HSD17B12: variants seen among roughly 807,000 people sequenced by gnomAD.
HSD17B12 encodes the protein very-long-chain 3-oxoacyl-CoA reductase.
A neutral mutation model predicts 39.3 loss-of-function variants in HSD17B12; 32 were observed. The observed-to-expected ratio is 0.81, with a 90% CI of 0.61 to 1.09. The LOEUF (loss-of-function observed/expected upper bound fraction) is 1.09. Ranked by LOEUF, HSD17B12 falls within the 50% of genes least tolerant of loss-of-function variation. The pLI is 0.00. For synonymous variants in HSD17B12, 150 were observed against 146.7 expected, an observed-to-expected ratio of 1.02 and a Z score of -0.16; for missense variants, 342 against 382.9, an observed-to-expected ratio of 0.89 and a Z score of 0.89.
the HSD17B12 span, among the ~76,000 whole-genome samples, chr11:43,593,382 C>T: frequency 2.0e-5 from 3 of 152,062 alleles, no homozygotes; most frequent in African/African-American, 7.2e-5. Context: ...AATAGGTTAC[C>T]GTCAAATCTG....
chr11:43,612,980 G>A, the HSD17B12 span, among the ~76,000 whole-genome samples: 1 of 152,170 alleles, frequency 6.6e-6, no homozygotes, highest in Non-Finnish European at 1.5e-5. Flanking sequence ...GTAGGCCAGT[G>A]TAGCCTAAGT....
chr11:43,716,411 C>T (rs1353761208), intron 1 of HSD17B12, among the ~76,000 whole-genome samples: 1 of 152,122 alleles, frequency 6.6e-6, no homozygotes, highest in African/African-American at 2.4e-5. Flanking sequence ...TTTGTGCTTA[C>T]GTCTGGTAAA....
chr11:43,781,100 C>A (rs778238778), intron 3 of HSD17B12, among the ~76,000 whole-genome samples: 2 of 152,088 alleles, frequency 1.3e-5, no homozygotes, highest in Non-Finnish European at 2.9e-5. Flanking sequence ...TTCCCCCCAA[C>A]GCCTCCTCAT....
chr11:43,561,962 A>T, the HSD17B12 span, among the ~76,000 whole-genome samples: 2 of 152,198 alleles, frequency 1.3e-5, no homozygotes, highest in African/African-American at 4.8e-5. Context: ...GTTATAGTGA[A>T]AGAGCTATGA....
intron 5 of HSD17B12, among the ~76,000 whole-genome samples, chr11:43,816,133 T>G (rs1342255775): frequency 2.6e-5 from 4 of 152,212 alleles, no homozygotes; most frequent in Admixed American, 2.0e-4. Context: ...CACTTTGGAT[T>G]CTGCATGTTA....
At position 43,740,171 on chromosome 11, in the gene HSD17B12, G is replaced by A. The variant is rs189236293; in HGVS notation, c.161-10740G>A. On this transcript the variant is annotated intron_variant, in intron 1 of 10. Transcript: ENST00000278353. Reference sequence around the variant, plus strand: ...GTAACTTCTTGGCAGAGAAAAAATGGTGTTTGAGAAAGATAATTTTTAACT... The same window carrying A: ...GTAACTTCTTGGCAGAGAAAAAATGATGTTTGAGAAAGATAATTTTTAACT... Among the ~76,000 whole-genome samples, 15 of 152,254 alleles carry A rather than the reference G, an allele frequency of 9.9e-5. No individual in the cohort carries two copies. In the East Asian group the frequency reaches 1.2e-3, roughly 12 times the overall value.
At position 43,830,974 on chromosome 11, in the gene HSD17B12, A is replaced by G; in HGVS notation, c.502-2A>G. ...ATGAATGTTTTGCTTTCTCTCTTGC[A>G]GATGACACAATTGGTACTGCCTGGC... On this transcript the variant is annotated splice_acceptor_variant, in intron 6 of 10. Transcript: ENST00000278353. LOFTEE classifies it high-confidence loss of function. 6.2e-7 allele frequency: 1 copy of G among 1,608,134 alleles called. No homozygotes were observed. Among genetic ancestry groups the G allele is most frequent in the Non-Finnish European group, 8.5e-7 (1 of 1,177,042 alleles).
intron 4 of HSD17B12, among the ~76,000 whole-genome samples, chr11:43,814,807 A>C (rs1203034871): frequency 6.6e-6 from 1 of 152,168 alleles, no homozygotes; most frequent in African/African-American, 2.4e-5. Flanking sequence ...CTGTTCTGTC[A>C]TGAAATAATT....
the HSD17B12 span, among the ~76,000 whole-genome samples, chr11:43,590,025 G>A: frequency 6.6e-6 from 1 of 152,166 alleles, no homozygotes; most frequent in African/African-American, 2.4e-5. Flanking sequence ...GAGATGAACT[G>A]TTATTATTAT....
At chr11:43,565,316 C>T in the HSD17B12 span, among the ~76,000 whole-genome samples, 2 of 152,164 alleles carry the variant, frequency 1.3e-5, no homozygotes, top group Non-Finnish European at 2.9e-5. Context: ...CCTCCACTGA[C>T]CTCAGGAAGT....
intron 1 of HSD17B12, among the ~76,000 whole-genome samples, chr11:43,702,002 C>T (rs1949969409): frequency 6.6e-6 from 1 of 152,012 alleles, no homozygotes; most frequent in Non-Finnish European, 1.5e-5. Flanking sequence ...TCTTTAATTT[C>T]TTTCATCAGT....
chr11:43,671,362 G>A, the HSD17B12 span, among the ~76,000 whole-genome samples: 1 of 152,234 alleles, frequency 6.6e-6, no homozygotes, highest in African/African-American at 2.4e-5. Flanking sequence ...GTATTTTTTA[G>A]TAGAGACGGG....
At chr11:43,825,482 C>T (rs777731124) in intron 6 of HSD17B12, among the ~76,000 whole-genome samples, 14 of 152,144 alleles carry the variant, frequency 9.2e-5, no homozygotes, top group Non-Finnish European at 1.8e-4. Context: ...GTTCAGCAGT[C>T]TAATTGTATT....
At chr11:43,805,486 T>C (rs1437028140) in intron 4 of HSD17B12, among the ~76,000 whole-genome samples, 2 of 152,112 alleles carry the variant, frequency 1.3e-5, no homozygotes, top group Admixed American at 6.5e-5. Flanking sequence ...TAAAATTATG[T>C]TGAGAGAGCA....
upstream of HSD17B12, among the ~76,000 whole-genome samples, chr11:43,678,533 C>T (rs1949713034): frequency 6.6e-6 from 1 of 152,148 alleles, no homozygotes; most frequent in East Asian, 1.9e-4. Flanking sequence ...AATGGTATTG[C>T]CTAGGTTTTC....
chr11:43,790,565 G>A (rs1950858225), intron 3 of HSD17B12, among the ~76,000 whole-genome samples: 1 of 152,196 alleles, frequency 6.6e-6, no homozygotes, highest in Admixed American at 6.5e-5. Flanking sequence ...ATAACCAAGA[G>A]AGATACTAAG....
At chr11:43,645,081 C>T in the HSD17B12 span, 1 of 152,196 alleles carries the variant, frequency 6.6e-6, no homozygotes, top group South Asian at 2.1e-4. Context: ...AGCTGTGTTA[C>T]CTTACTCTTG....
At chr11:43,826,375 G>A (rs1030525649) in intron 6 of HSD17B12, among the ~76,000 whole-genome samples, 1 of 152,122 alleles carries the variant, frequency 6.6e-6, no homozygotes, top group African/African-American at 2.4e-5. Flanking sequence ...GAGCCACTGT[G>A]CCCGGCTGGT....
chr11:43,576,828 A>G, the HSD17B12 span, among the ~76,000 whole-genome samples: 2 of 152,106 alleles, frequency 1.3e-5, no homozygotes, highest in East Asian at 1.9e-4. Context: ...GAATTCTTGC[A>G]GAGCCGGGAA....
Sources: gnomAD v4.1 joint callset for allele counts (sites outside exome capture counted in the v4.1 genomes callset) on GRCh38, gnomAD v4.1.1 for gene constraint, MANE v1.5 for transcripts, NCBI Gene and HGNC (gene_info 2026-07-23, HGNC 2026-07-21) for gene names.